CX3CL1: variants seen among roughly 807,000 people sequenced by gnomAD.
CX3CL1 encodes fractalkine.
A neutral mutation model predicts 14.1 loss-of-function variants in CX3CL1; 1 was observed. That is an observed-to-expected ratio of 0.07 (90% CI 0.03 to 0.34). The LOEUF (loss-of-function observed/expected upper bound fraction) is 0.34, where lower values mean the gene tolerates loss of function less well. Among genes scored for constraint, CX3CL1 ranks in the 10% least tolerant of loss-of-function variants. The pLI is 0.99. For synonymous variants in CX3CL1, 255 were observed against 229.6 expected (o/e 1.11, Z -1.00); for missense variants, 505 against 536.4 (o/e 0.94, Z 0.58).
chr16:57,379,572 C>G (rs748873291), intron 1 of CX3CL1, 62 bp from the exon 2 acceptor site: 35 of 1,606,974 alleles, frequency 2.2e-5, no homozygotes, highest in Non-Finnish European at 3.0e-5. Flanking sequence ...CAATCTGGCA[C>G]GGGGTTGGGA....
At position 57,382,309 on chromosome 16, in the gene CX3CL1, G is replaced by A. The variant is rs747773127; in HGVS notation, c.471G>A (p.Leu157=). ...GGGCCCTGGGGACCTCCCCAGAGCT[G>A]CCGACGGGCGTGACTGGTTCCTCAG... The part of the protein sequence containing the change: ...AQRALGTSPE[L]PTGVTGSSGT... Residue 157 remains leucine, a synonymous_variant, in exon 3 of 3, where the codon CTG becomes CTA. Coordinates refer to ENST00000006053, the MANE Select transcript of CX3CL1 (RefSeq NM_002996.6). The surrounding 1 kb of genome is among the most constrained non-coding windows in gnomAD (Gnocchi z 6.9). The A allele has an allele frequency of 6.2e-7, 1 of 1,605,236 alleles. No homozygotes were observed. Among genetic ancestry groups the A allele is most frequent in the Non-Finnish European group, 8.5e-7 (1 of 1,175,756 alleles).
intron 1 of CX3CL1, among the ~76,000 whole-genome samples, chr16:57,376,043 G>A (rs140452429): frequency 2.5e-3 from 383 of 152,326 alleles, no homozygotes; most frequent in Admixed American, 5.6e-3. Flanking sequence ...TCCCTTTGCA[G>A]GAATGTTGGG....
At position 57,376,065 on chromosome 16, in the gene CX3CL1, G is replaced by A. The variant is rs555244529; in HGVS notation, c.70+3427G>A. 2.6e-5 allele frequency among the ~76,000 whole-genome samples: 4 copies of A among 152,344 alleles called. No individual in the cohort carries two copies. In the East Asian group the frequency reaches 5.8e-4, roughly 22 times the overall value. On this transcript the variant is annotated intron_variant, in intron 1 of 2. Coordinates refer to ENST00000006053, the MANE Select transcript of CX3CL1 (RefSeq NM_002996.6). ...GCAGGAATGTTGGGAATTAAAGAGA[G>A]CAGATGTGTACATGCTGGACACAGG...
At position 57,372,649 on chromosome 16, in the gene CX3CL1, C is replaced by T; in HGVS notation, c.70+11C>T. ...CTGTCCTGCTGGCTGGTAAGTGGGGCTTGACTTGGGCACAAACAGGGTAGG... is the reference window on the plus strand; with the variant it reads ...CTGTCCTGCTGGCTGGTAAGTGGGGTTTGACTTGGGCACAAACAGGGTAGG... On this transcript the variant is annotated intron_variant, in intron 1 of 2. Transcript: ENST00000006053. The T allele has an allele frequency of 1.2e-6, 2 of 1,613,296 alleles. No individual in the cohort carries two copies. Among genetic ancestry groups the T allele is most frequent in the Non-Finnish European group, 1.7e-6 (2 of 1,179,824 alleles).
intron 2 of CX3CL1, among the ~76,000 whole-genome samples, chr16:57,380,954 C>A (rs1456008097): frequency 1.3e-5 from 2 of 152,188 alleles, no homozygotes; most frequent in East Asian, 1.9e-4. Flanking sequence ...ACTGAGTGTG[C>A]TCCTGCCGGA....
intron 2 of CX3CL1, among the ~76,000 whole-genome samples, chr16:57,380,945 C>T (rs1376421098): frequency 6.6e-6 from 1 of 152,200 alleles, no homozygotes; most frequent in Non-Finnish European, 1.5e-5. Flanking sequence ...GGGCAAGGTA[C>T]TGAGTGTGCT....
At chr16:57,380,639 C>T (rs1229639703) in intron 2 of CX3CL1, among the ~76,000 whole-genome samples, 1 of 123,590 alleles carries the variant, frequency 8.1e-6, no homozygotes, top group Non-Finnish European at 1.9e-5. Flanking sequence ...TCACTATCTC[C>T]ATTGGACAGA....
Position 57,383,294 on chromosome 16 carries a change from G to A in CX3CL1, c.*262G>A, listed in dbSNP as rs41342744. 3 of 362,876 alleles carry A rather than the reference G, an allele frequency of 8.3e-6. No individual in the cohort carries two copies. Among genetic ancestry groups the A allele is most frequent in the Non-Finnish European group, 1.5e-5 (3 of 203,566 alleles). 22.5% of individuals were successfully genotyped at this position (362,876 alleles called of 1,614,324 possible). On this transcript the variant is annotated 3_prime_UTR_variant, in exon 3 of 3. Coordinates refer to ENST00000006053, the MANE Select transcript of CX3CL1 (RefSeq NM_002996.6). ...TCTCCTCTGCTGCTGGCTGGTTAGA[G>A]GTTCCCTTTGACGCCATCCCAGCCC...
In CX3CL1 at chr16:57,372,743, T is replaced by C; in HGVS notation, c.70+105T>C. The C allele has an allele frequency of 2.7e-6, 3 of 1,130,696 alleles. No homozygotes were observed. In the South Asian group the frequency reaches 4.0e-5, roughly 15 times the overall value. 70.0% of individuals were successfully genotyped at this position (1,130,696 alleles called of 1,614,324 possible). ...GCCCCAGACCCTGCCTGGGTAAAGC[T>C]CAAGGCCGGTGGCAGCCGCTTCCCC... On this transcript the variant is annotated intron_variant, in intron 1 of 2. Transcript: ENST00000006053.
Position 57,382,481 on chromosome 16 carries a change from A to G in CX3CL1, c.643A>G (p.Thr215Ala), listed in dbSNP as rs1195270293. 1 of 1,612,504 alleles carries G rather than the reference A, an allele frequency of 6.2e-7. No individual in the cohort carries two copies. Among genetic ancestry groups the G allele is most frequent in the South Asian group, 1.1e-5 (1 of 90,970 alleles). Residue 215 changes from threonine (T) to alanine (A), a missense_variant, in exon 3 of 3, where the codon ACC (threonine) becomes GCC (alanine). By Grantham distance (58) the Thr-to-Ala change is moderately conservative. Coordinates refer to ENST00000006053, the MANE Select transcript of CX3CL1 (RefSeq NM_002996.6). This position sits in a 1 kb window ranked among gnomAD's most constrained non-coding sequence, Gnocchi z 6.9. ...PGPSLWAEAKTSEAPSTQDPS... is the reference protein window; with the variant it reads ...PGPSLWAEAKASEAPSTQDPS... Reference sequence around the variant, plus strand: ...GCCCAGCCTCTGGGCTGAGGCAAAGACCTCTGAGGCCCCGTCCACCCAGGA... The same window carrying G: ...GCCCAGCCTCTGGGCTGAGGCAAAGGCCTCTGAGGCCCCGTCCACCCAGGA...
chr16:57,379,310 G>A (rs1267750004), intron 1 of CX3CL1: 3 of 374,490 alleles, frequency 8.0e-6, no homozygotes, highest in Admixed American at 4.6e-5. Context: ...TGGGCAACAA[G>A]AGCAAGACTC....
Position 57,383,000 on chromosome 16 carries a change from GGTA to G in CX3CL1, c.1166_1168del (p.Ser389del), listed in dbSNP as rs762130853. ...CCTTCGCTACATCCCCCGGAGCTGTGGTAGTAATTCATATGTCCTGGTGCCCGT... is the reference window on the plus strand; with the variant it reads ...CCTTCGCTACATCCCCCGGAGCTGTGGTAATTCATATGTCCTGGTGCCCGT... On this transcript the variant is annotated inframe_deletion, in exon 3 of 3. Coordinates refer to ENST00000006053, the MANE Select transcript of CX3CL1 (RefSeq NM_002996.6). This position sits in a 1 kb window ranked among gnomAD's most constrained non-coding sequence, Gnocchi z 6.9. The G allele has an allele frequency of 1.3e-6, 2 of 1,498,424 alleles. No homozygotes were observed. Among genetic ancestry groups the G allele is most frequent in the African/African-American group, 1.4e-5 (1 of 71,446 alleles). 92.8% of individuals were successfully genotyped at this position (1,498,424 alleles called of 1,614,324 possible). A position where few individuals can be genotyped will look rare whatever the true frequency, so the allele number is the denominator to read the frequency against.
In CX3CL1 at chr16:57,382,604, C is replaced by G. The variant is rs1217563658; in HGVS notation, c.766C>G (p.Pro256Ala). Residue 256 changes from proline to alanine, a missense_variant, in exon 3 of 3, where the codon CCA (proline) becomes GCA (alanine). Physicochemically the swap from Pro to Ala is conservative, Grantham distance 27 (BLOSUM62 -1). Transcript: ENST00000006053. This position sits in a 1 kb window ranked among gnomAD's most constrained non-coding sequence, Gnocchi z 6.9. ...RVWGQGQSPR[P>A]ENSLEREEMG... ...GTGGGGTCAGGGACAGAGCCCCAGG[C>G]CAGAGAACTCTCTGGAGCGGGAGGA... The G allele has an allele frequency of 6.2e-7, 1 of 1,613,974 alleles. No homozygotes were observed. The highest frequency in any genetic ancestry group is 8.5e-7 in the Non-Finnish European group (1 of 1,179,904).
rs768060183 is a variant in CX3CL1, at chr16:57,382,017, T to C, written c.192-13T>C. 2.6e-5 allele frequency: 41 copies of C among 1,559,770 alleles called. 2 individuals are homozygous for C. The South Asian group carries it at 4.9e-4, about 19-fold the overall frequency. Reference sequence around the variant, plus strand: ...TCTGGGCATAACCGAATCCCTGTCTTCCTCCCTTGTAGCTTGGAGACGAGA... The same window carrying C: ...TCTGGGCATAACCGAATCCCTGTCTCCCTCCCTTGTAGCTTGGAGACGAGA... On this transcript the variant is annotated splice_polypyrimidine_tract_variant and intron_variant, in intron 2 of 2. Transcript: ENST00000006053. The surrounding 1 kb of genome is among the most constrained non-coding windows in gnomAD (Gnocchi z 6.9).
At chr16:57,373,766 C>T (rs1316228238) in intron 1 of CX3CL1, among the ~76,000 whole-genome samples, 5 of 152,170 alleles carry the variant, frequency 3.3e-5, no homozygotes, top group African/African-American at 9.7e-5. Context: ...AGTCAGATGG[C>T]GGCTGCTTTG....
chr16:57,379,530 G>T, intron 1 of CX3CL1, 104 bp from the exon 2 acceptor site: 1 of 1,448,956 alleles, frequency 6.9e-7, no homozygotes, highest in East Asian at 2.4e-5. Flanking sequence ...GTGTACAGGG[G>T]ATCAGTTTTG....
rs1902390317 is a variant in CX3CL1, at chr16:57,384,812, T to G, written c.*1780T>G. Reference sequence around the variant, plus strand: ...TGGCTCTTCCAGGCTGGGAGAGCCTTCCAGGGGTGGGACACCCTGTGATGG... The same window carrying G: ...TGGCTCTTCCAGGCTGGGAGAGCCTGCCAGGGGTGGGACACCCTGTGATGG... On this transcript the variant is annotated 3_prime_UTR_variant, in exon 3 of 3. Transcript: ENST00000006053. 1 of 152,294 alleles carries G rather than the reference T, an allele frequency of 6.6e-6. No individual in the cohort carries two copies. The highest frequency in any genetic ancestry group is 1.5e-5 in the Non-Finnish European group (1 of 68,084). The allele number at this position is 152,294 out of a possible 1,614,324, so 9.4% of individuals were successfully genotyped here. A position where few individuals can be genotyped will look rare whatever the true frequency, so the allele number is the denominator to read the frequency against.
chr16:57,380,417 G>C (rs1006809708), intron 2 of CX3CL1, among the ~76,000 whole-genome samples: 1 of 152,148 alleles, frequency 6.6e-6, no homozygotes, highest in African/African-American at 2.4e-5. Flanking sequence ...AACTAGCCTG[G>C]CATGGTGGTG....
Position 57,382,144 on chromosome 16 carries a change from C to T in CX3CL1, c.306C>T (p.Thr102=). The change falls in exon 3 of 3, where the codon ACC becomes ACT. Residue 102 remains threonine, a synonymous_variant. Transcript: ENST00000006053. This position sits in a 1 kb window ranked among gnomAD's most constrained non-coding sequence, Gnocchi z 6.9. ...CTGCCCTAACTCGAAATGGCGGCACCTTCGAGAAGCAGATCGGCGAGGTGA... is the reference window on the plus strand; with the variant it reads ...CTGCCCTAACTCGAAATGGCGGCACTTTCGAGAAGCAGATCGGCGAGGTGA... ...QAAALTRNGG[T]FEKQIGEVKP... is the part of the protein sequence containing the mutation. The T allele has an allele frequency of 1.2e-6, 2 of 1,614,010 alleles. No homozygotes were observed. The highest frequency in any genetic ancestry group is 2.2e-5 in the South Asian group (2 of 91,086).
Sources: allele counts gnomAD v4.1 joint callset (sites outside exome capture counted in the v4.1 genomes callset), GRCh38; gene constraint gnomAD v4.1.1; non-coding constraint Gnocchi (gnomAD v3.1); transcripts MANE v1.5; gene names NCBI Gene and HGNC (gene_info 2026-07-23, HGNC 2026-07-21).